Variants in AFAP1 observed in about 807,000 individuals in gnomAD.
AFAP1 encodes actin filament-associated protein 1.
AFAP1 carries 75 observed loss-of-function variants against 93.9 expected under a neutral mutation model. The ratio of observed to expected loss-of-function variants is 0.80; its 90% CI spans 0.66 to 0.97. The LOEUF is 0.97. AFAP1 is among the 50% of genes least tolerant of loss of function. The pLI is 0.00. For synonymous variants in AFAP1, 517 were observed against 430.7 expected (o/e 1.20, Z -2.48); for missense variants, 1,201 against 1,050.8 (o/e 1.14, Z -1.98).
intron 7 of AFAP1, among the ~76,000 whole-genome samples, chr4:7,817,992 A>G (rs1018831861): frequency 2.0e-5 from 3 of 152,110 alleles, no homozygotes; most frequent in Admixed American, 1.3e-4. Context: ...AAGGAGAAAA[A>G]CAGCCTGTTC....
intron 9 of AFAP1, 22 bp from the exon 10 acceptor site, chr4:7,800,675 G>A (rs377558362): frequency 3.7e-6 from 6 of 1,613,870 alleles, no homozygotes; most frequent in Non-Finnish European, 4.2e-6. Context: ...CAAGGCCACA[G>A]GTCAGCCGCC....
chr4:7,797,479 C>A (rs2149021477), intron 10 of AFAP1, among the ~76,000 whole-genome samples: 1 of 152,334 alleles, frequency 6.6e-6, no homozygotes, highest in East Asian at 1.9e-4. Flanking sequence ...CCTCCATGGG[C>A]TCCCGCTATA....
rs751299100 is a variant in AFAP1 at position 7,809,760 on chromosome 4, T to C, written c.908A>G (p.Lys303Arg). ...CTCTGATTTGGAACTTTTCTTCCTC[T>C]TCACTGTCAAGAGTAACAACAGCAA... is the stretch of plus-strand genomic sequence containing the variant. ...ITTCNGKEQV[K>R]RKKSSKSEAK... Residue 303 changes from lysine to arginine, a missense_variant, in exon 9 of 18, where the codon AAG (lysine) becomes AGG (arginine). By Grantham distance (26) the Lys-to-Arg change is conservative. Coordinates refer to ENST00000420658, the MANE Select transcript of AFAP1 (RefSeq NM_001134647.2). 1 of 1,612,870 alleles carries C rather than the reference T, an allele frequency of 6.2e-7. No homozygotes were observed. Among genetic ancestry groups the C allele is most frequent in the Non-Finnish European group, 8.5e-7 (1 of 1,179,688 alleles).
chr4:7,769,669 G>T (rs1256121275), intron 16 of AFAP1, among the ~76,000 whole-genome samples: 2 of 152,178 alleles, frequency 1.3e-5, no homozygotes, highest in Non-Finnish European at 2.9e-5. Context: ...GCCACAGTCT[G>T]CTGAGCCTTC....
At chr4:7,905,204 G>A (rs1294644481) in intron 1 of AFAP1, among the ~76,000 whole-genome samples, 2 of 152,224 alleles carry the variant, frequency 1.3e-5, no homozygotes, top group Non-Finnish European at 1.5e-5. Context: ...GCATACATGT[G>A]TCTTGATTTC....
At chr4:7,856,154 A>G (rs73088594) in intron 3 of AFAP1, among the ~76,000 whole-genome samples, 14,989 of 152,238 alleles carry the variant, frequency 0.098, 1,321 homozygotes, top group East Asian at 0.48. Flanking sequence ...GAAAACTTTA[A>G]AAAAGCAAAT....
At chr4:7,912,063 A>G (rs1370484709) in intron 1 of AFAP1, among the ~76,000 whole-genome samples, 2 of 152,226 alleles carry the variant, frequency 1.3e-5, no homozygotes, top group African/African-American at 4.8e-5. Context: ...TGAAGTCCAC[A>G]CAGACCCAGG....
rs1260860068 is a variant in AFAP1 at position 7,939,658 on chromosome 4, C to G, written c.-5G>C. ...TGCCGCCAGTCGCGCCGTCTCACCT[C>G]AGGCCGCCACCTCGCAGCGCTCGCT... On this transcript the variant is annotated splice_region_variant and 5_prime_UTR_variant, in exon 1 of 18. Coordinates refer to ENST00000420658, the MANE Select transcript of AFAP1 (RefSeq NM_001134647.2). The surrounding 1 kb of genome is among the most constrained non-coding windows in gnomAD (Gnocchi z 5.6). The G allele has an allele frequency of 2.1e-5, 9 of 419,238 alleles. No individual in the cohort carries two copies. The highest frequency in any genetic ancestry group is 1.7e-4 in the African/African-American group (8 of 45,780). The allele number at this position is 419,238 out of a possible 1,614,324, so 26.0% of individuals were successfully genotyped here.
intron 16 of AFAP1, among the ~76,000 whole-genome samples, chr4:7,770,131 C>T (rs1306203637): frequency 1.3e-5 from 2 of 152,210 alleles, no homozygotes; most frequent in African/African-American, 4.8e-5. Flanking sequence ...TCCCTCAAAA[C>T]AGAGGGGAAG....
At chr4:7,872,958 A>AC (rs1717182434) in intron 1 of AFAP1, among the ~76,000 whole-genome samples, 1 of 150,074 alleles carries the variant, frequency 6.7e-6, no homozygotes, top group Non-Finnish European at 1.5e-5. Flanking sequence ...AAAAAAAAAA[A>AC]AACTACTTGG....
intron 5 of AFAP1, among the ~76,000 whole-genome samples, chr4:7,840,262 ATGTGTGTG>A (rs10611947): frequency 4.7e-5 from 7 of 150,002 alleles, no homozygotes; most frequent in Non-Finnish European, 1.0e-4. Flanking sequence ...TGTTTTTGGG[ATGTGTGTG>A]TGTGTGTGTG....
At chr4:7,894,016 G>C (rs1412693564) in intron 1 of AFAP1, among the ~76,000 whole-genome samples, 3 of 152,178 alleles carry the variant, frequency 2.0e-5, no homozygotes, top group Non-Finnish European at 4.4e-5. Context: ...CAAGAAGGGA[G>C]ACAGCACAGT....
intron 13 of AFAP1, among the ~76,000 whole-genome samples, chr4:7,781,144 A>C (rs1464624500): frequency 1.3e-5 from 2 of 152,234 alleles, no homozygotes; most frequent in African/African-American, 4.8e-5. Flanking sequence ...CCAAGAACAG[A>C]AAGAGAGCCA....
intron 3 of AFAP1, among the ~76,000 whole-genome samples, chr4:7,864,571 T>C (rs188447800): frequency 1.8e-3 from 274 of 152,280 alleles, no homozygotes; most frequent in African/African-American, 6.4e-3. Flanking sequence ...CTGTTCTCTA[T>C]TCCCTCTGTA....
At chr4:7,818,965 T>C (rs556561618) in intron 7 of AFAP1, 111 bp downstream of exon 7, 2 of 1,026,476 alleles carry the variant, frequency 1.9e-6, no homozygotes, top group African/African-American at 3.2e-5. Context: ...CTGCACTTTT[T>C]CTTTTTTAAC....
intron 14 of AFAP1, chr4:7,775,148 T>C (rs907403867): frequency 9.1e-6 from 4 of 438,556 alleles, no homozygotes; most frequent in Non-Finnish European, 4.0e-6. Flanking sequence ...CAAAAAAAAA[T>C]TAGGTTTATT....
chr4:7,913,729 T>C (rs1422546362), intron 1 of AFAP1, among the ~76,000 whole-genome samples: 3 of 152,144 alleles, frequency 2.0e-5, no homozygotes, highest in Non-Finnish European at 2.9e-5. Context: ...AAGCCTAAAG[T>C]TTTACTTCTC....
intron 1 of AFAP1, among the ~76,000 whole-genome samples, chr4:7,874,350 CTTTT>C (rs1178468163): frequency 5.4e-5 from 6 of 111,026 alleles, no homozygotes; most frequent in African/African-American, 2.1e-4. Context: ...GTCAGATTGC[CTTTT>C]TCTTTTTTTT....
At position 7,821,411 on chromosome 4, in the gene AFAP1, G is replaced by C. The variant is rs575212598; in HGVS notation, c.727-2240C>G. Among the ~76,000 whole-genome samples, 13 of 152,288 alleles carry C rather than the reference G, an allele frequency of 8.5e-5. No homozygotes were observed. The East Asian group carries it at 1.9e-3, about 23-fold the overall frequency. On this transcript the variant is annotated intron_variant, in intron 6 of 17. Transcript: ENST00000420658. ...TCTGGACTAGACTTCCAGATGCAGG[G>C]ATGGTGAGCCTGCAGGACAGGATTC...
Sources: allele counts gnomAD v4.1 joint callset (sites outside exome capture counted in the v4.1 genomes callset), GRCh38; gene constraint gnomAD v4.1.1; non-coding constraint Gnocchi (gnomAD v3.1); transcripts MANE v1.5; gene names NCBI Gene and HGNC (gene_info 2026-07-23, HGNC 2026-07-21).